The following IL1RAPL1 variants were observed in gnomAD, a reference collection of about 807,000 sequenced individuals.
IL1RAPL1 encodes the protein interleukin 1 receptor accessory protein like 1.
In IL1RAPL1, 3 loss-of-function variants were observed where a neutral mutation model predicts 48.4. The observed-to-expected ratio is 0.06, with a 90% confidence interval of 0.03 to 0.16. The LOEUF (loss-of-function observed/expected upper bound fraction) is 0.16, where lower values mean the gene tolerates loss of function less well. Among genes scored for constraint, IL1RAPL1 ranks in the 10% least tolerant of loss-of-function variants. The pLI is 1.00. For synonymous variants in IL1RAPL1, 185 were observed against 187.7 expected (o/e 0.99, Z 0.12); for missense variants, 349 against 530.6 (o/e 0.66, Z 3.36).
chrX:28,836,336 T>TTTTATA (rs1921206148), intron 2 of IL1RAPL1, among the ~76,000 whole-genome samples: 1 of 85,331 alleles, frequency 1.2e-5, no homozygotes, highest in African/African-American at 4.7e-5. Context: ...CTTCCCAATT[T>TTTTATA]TATATATATA....
intron 2 of IL1RAPL1, among the ~76,000 whole-genome samples, chrX:28,938,098 C>T (rs1242675032): frequency 9.0e-6 from 1 of 111,279 alleles, no homozygotes; most frequent in Non-Finnish European, 1.9e-5. Context: ...CTATCCAAAG[C>T]AATTTACAGA....
At chrX:28,682,975 T>G (rs748912505) in intron 1 of IL1RAPL1, among the ~76,000 whole-genome samples, 2 of 112,266 alleles carry the variant, frequency 1.8e-5, no homozygotes, top group South Asian at 7.4e-4. Flanking sequence ...CCACAGATTC[T>G]TATAAATTCC....
At chrX:29,544,723 A>ATGTGTG (rs61595803) in intron 5 of IL1RAPL1, among the ~76,000 whole-genome samples, 4 of 101,954 alleles carry the variant, frequency 3.9e-5, no homozygotes, top group Admixed American at 1.1e-4. Context: ...TGTGGAGATG[A>ATGTGTG]TGTGTGTGTG....
intron 2 of IL1RAPL1, among the ~76,000 whole-genome samples, chrX:29,166,767 T>C (rs1487695360): frequency 9.0e-6 from 1 of 111,397 alleles, no homozygotes; most frequent in Non-Finnish European, 1.9e-5. Context: ...CTCATCTTAC[T>C]CTCTCAGCTT....
chrX:29,299,899 A>AG (rs1203256454), intron 3 of IL1RAPL1, among the ~76,000 whole-genome samples: 1 of 111,922 alleles, frequency 8.9e-6, no homozygotes, highest in Non-Finnish European at 1.9e-5. Context: ...TCCTTCATGA[A>AG]AAGATTAATA....
intron 3 of IL1RAPL1, among the ~76,000 whole-genome samples, chrX:29,301,451 T>C (rs1169439986): frequency 8.9e-6 from 1 of 112,289 alleles, no homozygotes; most frequent in Non-Finnish European, 1.9e-5. Flanking sequence ...TTCTTTAAAA[T>C]TGATTTATTA....
chrX:29,693,840 A>G (rs1926841472), intron 6 of IL1RAPL1, among the ~76,000 whole-genome samples: 1 of 109,462 alleles, frequency 9.1e-6, no homozygotes, highest in Non-Finnish European at 1.9e-5. Context: ...TGAATATGGT[A>G]GAGAAGGTCA....
At chrX:29,826,663 T>G (rs753829596) in intron 6 of IL1RAPL1, among the ~76,000 whole-genome samples, 25 of 111,950 alleles carry the variant, frequency 2.2e-4, no homozygotes, top group African/African-American at 7.5e-4. Context: ...CTAGCTTCCT[T>G]CACTTAGCAT....
chrX:29,317,801 C>G (rs1438993905), intron 3 of IL1RAPL1, among the ~76,000 whole-genome samples: 2 of 111,983 alleles, frequency 1.8e-5, no homozygotes, highest in Non-Finnish European at 3.8e-5. Context: ...GATACCACTT[C>G]CATTTGCATG....
intron 2 of IL1RAPL1, among the ~76,000 whole-genome samples, chrX:28,901,909 G>C (rs1050107095): frequency 9.0e-6 from 1 of 111,306 alleles, no homozygotes; most frequent in Non-Finnish European, 1.9e-5. Context: ...AGTAATTTGG[G>C]TTAGTTTATA....
At chrX:29,837,489 C>T (rs1569182741) in intron 6 of IL1RAPL1, among the ~76,000 whole-genome samples, 1 of 109,325 alleles carries the variant, frequency 9.1e-6, no homozygotes, top group African/African-American at 3.3e-5. Flanking sequence ...AAATACAACT[C>T]ATAAGGTTAA....
intron 8 of IL1RAPL1, among the ~76,000 whole-genome samples, chrX:29,931,163 GGA>G (rs761110241): frequency 3.6e-5 from 4 of 110,582 alleles, no homozygotes; most frequent in African/African-American, 1.3e-4. Context: ...TTGTTAATGG[GGA>G]GGGGGGATTT....
intron 2 of IL1RAPL1, among the ~76,000 whole-genome samples, chrX:29,158,330 G>C (rs1197053867): frequency 8.9e-6 from 1 of 112,115 alleles, no homozygotes; most frequent in African/African-American, 3.2e-5. Flanking sequence ...ATGTTGGCCA[G>C]TATTAATCTT....
chrX:29,562,740 C>G (rs3813179), intron 5 of IL1RAPL1, among the ~76,000 whole-genome samples: 29,695 of 110,975 alleles, frequency 0.27, 3,070 homozygotes, highest in South Asian at 0.44. Flanking sequence ...CTATTTCCGT[C>G]CTAAAACTCT....
intron 6 of IL1RAPL1, among the ~76,000 whole-genome samples, chrX:29,766,228 T>C (rs1302759147): frequency 2.0e-5 from 2 of 100,294 alleles, no homozygotes; most frequent in African/African-American, 3.7e-5. Context: ...CTCGGGAGGC[T>C]GAGGCAGGAG....
At chrX:28,917,124 A>G (rs1189921305) in intron 2 of IL1RAPL1, among the ~76,000 whole-genome samples, 1 of 111,624 alleles carries the variant, frequency 9.0e-6, no homozygotes, top group African/African-American at 3.3e-5. Context: ...ACATAACCTC[A>G]TTTGAATGTA....
intron 2 of IL1RAPL1, among the ~76,000 whole-genome samples, chrX:28,822,168 A>G (rs1936943835): frequency 9.0e-6 from 1 of 111,132 alleles, no homozygotes; most frequent in Non-Finnish European, 1.9e-5. Flanking sequence ...GTCTCATAGT[A>G]CCTTGTCTGC....
chrX:29,645,105 A>C (rs1342710285), intron 5 of IL1RAPL1, among the ~76,000 whole-genome samples: 2 of 112,872 alleles, frequency 1.8e-5, no homozygotes, highest in East Asian at 5.5e-4. Context: ...TGAATAAACT[A>C]ACTCTTGTTC....
chrX:29,052,458 C>T (rs1372760816), intron 2 of IL1RAPL1, among the ~76,000 whole-genome samples: 1 of 111,410 alleles, frequency 9.0e-6, no homozygotes, highest in Admixed American at 9.6e-5. Context: ...GTATACAATA[C>T]ATTATTACTA....
Sources: allele counts gnomAD v4.1 joint callset (sites outside exome capture counted in the v4.1 genomes callset), GRCh38; gene constraint gnomAD v4.1.1; transcripts MANE v1.5; gene names NCBI Gene and HGNC (gene_info 2026-07-23, HGNC 2026-07-21).